The following PRKCI variants were observed in gnomAD, a reference collection of about 807,000 sequenced individuals.
The protein encoded by PRKCI is protein kinase C iota type.
A neutral mutation model predicts 84.0 loss-of-function variants in PRKCI; 43 were observed. The ratio of observed to expected loss-of-function variants is 0.51; its 90% CI spans 0.40 to 0.66. The LOEUF (loss-of-function observed/expected upper bound fraction) is 0.66. Among genes scored for constraint, PRKCI ranks in the 30% least tolerant of loss-of-function variants. PRKCI has a pLI of 0.00. For synonymous variants in PRKCI, 216 were observed against 234.4 expected (o/e 0.92, Z 0.72); for missense variants, 459 against 745.6 (o/e 0.62, Z 4.48).
chr3:170,234,130 C>G (rs537924647), intron 1 of PRKCI, among the ~76,000 whole-genome samples: 1 of 145,256 alleles, frequency 6.9e-6, no homozygotes, highest in South Asian at 2.2e-4. Flanking sequence ...CTCCCGGGTT[C>G]AAGCGATTCT....
chr3:170,293,378 T>G lies in PRKCI; in HGVS notation c.1292-5T>G, dbSNP rs200153796. On this transcript the variant is annotated splice_polypyrimidine_tract_variant and splice_region_variant and intron_variant, in intron 13 of 17. Transcript: ENST00000295797. ...AATTTATTGCTTTAAAATTTCTTTC[T>G]GAAGGTTTCAGTGTTGACTGGTGGG... 520 of 1,600,698 alleles carry G rather than the reference T, an allele frequency of 3.2e-4. 1 individual carries two copies. Among genetic ancestry groups the G allele is most frequent in the Admixed American group, 8.2e-4 (46 of 56,054 alleles).
intron 2 of PRKCI, among the ~76,000 whole-genome samples, chr3:170,235,808 G>C (rs1732959706): frequency 6.6e-6 from 1 of 151,932 alleles, no homozygotes; most frequent in Non-Finnish European, 1.5e-5. Context: ...CTTATGATCT[G>C]CCCACCTCGG....
At chr3:170,267,791 A>C (rs1733901125) in intron 4 of PRKCI, 124 bp from the exon 5 acceptor site, 1 of 559,616 alleles carries the variant, frequency 1.8e-6, no homozygotes, top group African/African-American at 1.9e-5. Flanking sequence ...TTTGACGTTC[A>C]GGTTTTTATC....
chr3:170,250,490 CT>C (rs1344211382), intron 2 of PRKCI, among the ~76,000 whole-genome samples: 32 of 127,498 alleles, frequency 2.5e-4, no homozygotes, highest in African/African-American at 7.4e-4. Context: ...TGTTTCCCCC[CT>C]ACCCCTTTCT....
At chr3:170,289,002 G>A (rs770851723) in intron 12 of PRKCI, among the ~76,000 whole-genome samples, 12 of 152,136 alleles carry the variant, frequency 7.9e-5, no homozygotes, top group East Asian at 3.8e-4. Context: ...GCAGCCTTTC[G>A]TGGTTTTATG....
At position 170,233,484 on chromosome 3, in the gene PRKCI, G is replaced by A. The variant is rs538246811; in HGVS notation, c.102-1746G>A. Among the ~76,000 whole-genome samples the A allele has an allele frequency of 7.9e-5, 12 of 152,072 alleles. 1 individual carries two copies. The South Asian group carries it at 1.0e-3, about 13-fold the overall frequency. On this transcript the variant is annotated intron_variant, in intron 1 of 17. Coordinates refer to ENST00000295797, the MANE Select transcript of PRKCI (RefSeq NM_002740.6). Reference sequence around the variant, plus strand: ...AGTTAAACTGGAAAAAACATCATACGTGCATAATTTGTTTTATACCTTTAG... The same window carrying A: ...AGTTAAACTGGAAAAAACATCATACATGCATAATTTGTTTTATACCTTTAG...
chr3:170,225,729 A>G (rs1732612284), intron 1 of PRKCI, among the ~76,000 whole-genome samples: 1 of 151,134 alleles, frequency 6.6e-6, no homozygotes, highest in Non-Finnish European at 1.5e-5. Flanking sequence ...TTCTAACAAT[A>G]TTTCTTTCCA....
chr3:170,291,680 G>T, intron 12 of PRKCI, 174 bp from the exon 13 acceptor site: 1 of 545,648 alleles, frequency 1.8e-6, no homozygotes, highest in Admixed American at 3.1e-5. Context: ...CTGGGCGACA[G>T]AGCAAGACCC....
At chr3:170,258,506 A>T (rs1285128018) in intron 2 of PRKCI, among the ~76,000 whole-genome samples, 2 of 151,844 alleles carry the variant, frequency 1.3e-5, no homozygotes, top group Admixed American at 6.6e-5. Flanking sequence ...GGCTTTCATC[A>T]TGTTGGCCAG....
chr3:170,246,477 AG>A (rs1156524054), intron 2 of PRKCI, among the ~76,000 whole-genome samples: 1 of 151,444 alleles, frequency 6.6e-6, no homozygotes, highest in Admixed American at 6.6e-5. Flanking sequence ...TATTTTTTGT[AG>A]AGACAGAGTC....
At chr3:170,251,919 A>G (rs1733458946) in intron 2 of PRKCI, among the ~76,000 whole-genome samples, 1 of 149,234 alleles carries the variant, frequency 6.7e-6, no homozygotes, top group South Asian at 2.1e-4. Flanking sequence ...AAAAAAAAAG[A>G]AATTAGGAAA....
At chr3:170,290,259 C>G (rs1464277411) in intron 12 of PRKCI, among the ~76,000 whole-genome samples, 1 of 151,756 alleles carries the variant, frequency 6.6e-6, no homozygotes, top group Non-Finnish European at 1.5e-5. Context: ...TTAAAACATG[C>G]TTAATTATGT....
chr3:170,243,945 GA>G, intron 2 of PRKCI, among the ~76,000 whole-genome samples: 1 of 152,358 alleles, frequency 6.6e-6, no homozygotes, highest in South Asian at 2.1e-4. Context: ...TCACCTGGGA[GA>G]AACCCTTGGC....
At chr3:170,283,326 G>A (rs1734297488) in intron 11 of PRKCI, among the ~76,000 whole-genome samples, 2 of 152,092 alleles carry the variant, frequency 1.3e-5, no homozygotes, top group African/African-American at 4.8e-5. Context: ...CCAAAATGAA[G>A]CATGTGAGTT....
intron 14 of PRKCI, among the ~76,000 whole-genome samples, chr3:170,295,372 A>T (rs550203678): frequency 6.6e-6 from 1 of 151,994 alleles, no homozygotes; most frequent in South Asian, 2.1e-4. Context: ...AAAAAATTTA[A>T]AATTAGCCAG....
chr3:170,282,088 C>A, intron 11 of PRKCI, 120 bp downstream of exon 11: 1 of 1,000,068 alleles, frequency 1.0e-6, no homozygotes, highest in South Asian at 2.0e-5. Context: ...ATTTGTAAGT[C>A]ATGCAGAGGC....
chr3:170,277,154 C>T (rs1734136174), intron 8 of PRKCI, among the ~76,000 whole-genome samples: 2 of 150,594 alleles, frequency 1.3e-5, no homozygotes, highest in South Asian at 2.1e-4. Context: ...GAGGTTGAGG[C>T]ACGAAAATCA....
At chr3:170,263,551 C>A in intron 4 of PRKCI, 122 bp downstream of exon 4, 1 of 755,664 alleles carries the variant, frequency 1.3e-6, no homozygotes, top group East Asian at 2.9e-5. Flanking sequence ...CCTGTAATCC[C>A]AGCACTGTGG....
Position 170,222,515 on chromosome 3 carries a change from A to T in PRKCI, c.-155A>T. The T allele has an allele frequency of 5.0e-6, 3 of 603,288 alleles. No homozygotes were observed. The highest frequency in any genetic ancestry group is 7.9e-6 in the Non-Finnish European group (3 of 381,854). The allele number at this position is 603,288 out of a possible 1,614,324, so 37.4% of individuals were successfully genotyped here. Reference sequence around the variant, plus strand: ...CCGCGCGGTTCCGGCTGCTCCGGCGAGGCGACCCTTGGGTCGGCGCTGCGG... The same window carrying T: ...CCGCGCGGTTCCGGCTGCTCCGGCGTGGCGACCCTTGGGTCGGCGCTGCGG... On this transcript the variant is annotated 5_prime_UTR_variant, in exon 1 of 18. Transcript: ENST00000295797.
Sources: gnomAD v4.1 joint callset for allele counts (sites outside exome capture counted in the v4.1 genomes callset) on GRCh38, gnomAD v4.1.1 for gene constraint, MANE v1.5 for transcripts, NCBI Gene and HGNC (gene_info 2026-07-23, HGNC 2026-07-21) for gene names.